Variants in RASAL2 observed in about 807,000 individuals in gnomAD.
RASAL2 encodes RAS protein activator like 2.
A neutral mutation model predicts 128.9 loss-of-function variants in RASAL2; 58 were observed. The observed-to-expected ratio is 0.45, with a 90% confidence interval of 0.36 to 0.56. The LOEUF (loss-of-function observed/expected upper bound fraction) is 0.56. RASAL2 is among the 20% of genes least tolerant of loss of function. The pLI is 0.00. For missense variants in RASAL2, 1,360 were observed against 1,601.6 expected, an observed-to-expected ratio of 0.85 and a Z score of 2.57; for synonymous variants, 561 against 580.8, an observed-to-expected ratio of 0.97 and a Z score of 0.49.
At chr1:178,381,613 C>G (rs904813875) in intron 3 of RASAL2, among the ~76,000 whole-genome samples, 2 of 151,618 alleles carry the variant, frequency 1.3e-5, no homozygotes, top group Admixed American at 1.3e-4. Flanking sequence ...TTAATGTCCT[C>G]TATTAATATT....
At chr1:178,125,566 A>G (rs1313256096) in intron 1 of RASAL2, 1 of 152,162 alleles carries the variant, frequency 6.6e-6, no homozygotes, top group East Asian at 1.9e-4. Flanking sequence ...TAACTTAATT[A>G]TTTTTCAGAA....
chr1:178,241,422 A>C (rs926297519), intron 1 of RASAL2, among the ~76,000 whole-genome samples: 2 of 152,146 alleles, frequency 1.3e-5, no homozygotes, highest in African/African-American at 2.4e-5. Context: ...AGTTCACTTT[A>C]TGTGTGAGGA....
intron 1 of RASAL2, among the ~76,000 whole-genome samples, chr1:178,158,162 T>C (rs1213587856): frequency 6.6e-6 from 1 of 152,220 alleles, no homozygotes; most frequent in Non-Finnish European, 1.5e-5. Context: ...AGCATGTATT[T>C]TATTTTAATT....
intron 5 of RASAL2, among the ~76,000 whole-genome samples, chr1:178,427,544 A>T (rs904672255): frequency 1.3e-5 from 2 of 152,144 alleles, no homozygotes; most frequent in African/African-American, 4.8e-5. Context: ...ATGGAACAAT[A>T]TTCTCAGCTT....
intron 1 of RASAL2, among the ~76,000 whole-genome samples, chr1:178,206,729 T>A (rs1328701745): frequency 6.6e-6 from 1 of 152,218 alleles, no homozygotes; most frequent in Non-Finnish European, 1.5e-5. Flanking sequence ...CAAAGATCTA[T>A]ATTAACATTT....
chr1:178,324,289 T>C (rs1571859509), intron 3 of RASAL2, among the ~76,000 whole-genome samples: 2 of 152,176 alleles, frequency 1.3e-5, no homozygotes, highest in Middle Eastern at 6.8e-3. Context: ...TCATAGTAGC[T>C]CACTTCTGTA....
chr1:178,185,197 C>G (rs1364273341), intron 1 of RASAL2, among the ~76,000 whole-genome samples: 1 of 151,394 alleles, frequency 6.6e-6, no homozygotes, highest in East Asian at 1.9e-4. Context: ...ACCTTGTATC[C>G]TGTGACCTTG....
chr1:178,265,054 C>T (rs1048751585), intron 1 of RASAL2, among the ~76,000 whole-genome samples: 8 of 152,238 alleles, frequency 5.3e-5, no homozygotes, highest in South Asian at 2.1e-4. Flanking sequence ...TGCTAGGAAC[C>T]GGGGACAAAG....
At chr1:178,206,213 G>A (rs576189314) in intron 1 of RASAL2, among the ~76,000 whole-genome samples, 1 of 152,304 alleles carries the variant, frequency 6.6e-6, no homozygotes, top group East Asian at 1.9e-4. Flanking sequence ...ACAGGAAAGA[G>A]GGGTAGCATT....
intron 1 of RASAL2, among the ~76,000 whole-genome samples, chr1:178,153,166 A>G (rs1660970706): frequency 6.6e-6 from 1 of 152,094 alleles, no homozygotes; most frequent in African/African-American, 2.4e-5. Flanking sequence ...ATAGTTTCCC[A>G]TAGTGTAGAT....
intron 1 of RASAL2, among the ~76,000 whole-genome samples, chr1:178,273,492 A>G (rs1477898342): frequency 6.6e-6 from 1 of 152,244 alleles, no homozygotes; most frequent in East Asian, 1.9e-4. Flanking sequence ...TATACTATGT[A>G]TAAACATACC....
At position 178,094,501 on chromosome 1, in the gene RASAL2, C is replaced by T; in HGVS notation, c.9C>T (p.Leu3=). ME[L]SPSSGGAAEA... The stretch of plus-strand genomic sequence containing the variant: ...TCCCGCCTCGGGGCACCATGGAGCT[C>T]TCTCCGTCGTCCGGAGGAGCCGCGG... The change falls in exon 1 of 18, where the codon CTC becomes CTT. Residue 3 remains leucine (L), a synonymous_variant. Coordinates refer to ENST00000367649, the MANE Select transcript of RASAL2 (RefSeq NM_170692.4). 2 of 1,555,754 alleles carry T rather than the reference C, an allele frequency of 1.3e-6. No homozygotes were observed. The highest frequency in any genetic ancestry group is 2.4e-5 in the South Asian group (2 of 84,724).
At chr1:178,284,757 T>C (rs1392578178) in intron 2 of RASAL2, among the ~76,000 whole-genome samples, 1 of 152,140 alleles carries the variant, frequency 6.6e-6, no homozygotes, top group Non-Finnish European at 1.5e-5. Flanking sequence ...GTGAATATAA[T>C]ATTGACAAAG....
intron 1 of RASAL2, among the ~76,000 whole-genome samples, chr1:178,266,494 G>A (rs1255828165): frequency 6.6e-6 from 1 of 151,962 alleles, no homozygotes; most frequent in Admixed American, 6.6e-5. Flanking sequence ...ATTTTGATAC[G>A]GCTCCAATGA....
chr1:178,154,833 T>TA (rs1661029339), intron 1 of RASAL2, among the ~76,000 whole-genome samples: 2 of 145,206 alleles, frequency 1.4e-5, no homozygotes, highest in Non-Finnish European at 3.1e-5. Flanking sequence ...TAATAATAAT[T>TA]ATTTTTTGAG....
At chr1:178,188,482 A>G (rs1662385375) in intron 1 of RASAL2, among the ~76,000 whole-genome samples, 2 of 152,104 alleles carry the variant, frequency 1.3e-5, no homozygotes, top group Non-Finnish European at 2.9e-5. Flanking sequence ...CTGGTTTTCT[A>G]GGTGTTTATA....
At chr1:178,207,231 AT>A (rs1452961811) in intron 1 of RASAL2, among the ~76,000 whole-genome samples, 1 of 152,090 alleles carries the variant, frequency 6.6e-6, no homozygotes, top group Non-Finnish European at 1.5e-5. Flanking sequence ...AAAGAAAAAC[AT>A]TCTGACCTTA....
intron 1 of RASAL2, among the ~76,000 whole-genome samples, chr1:178,274,830 A>G (rs1666420261): frequency 6.6e-6 from 1 of 152,106 alleles, no homozygotes; most frequent in Admixed American, 6.5e-5. Flanking sequence ...AGCTCAAAGG[A>G]TCCTCCTGCT....
At chr1:178,411,683 T>A (rs1674396190) in intron 4 of RASAL2, 2 of 820,344 alleles carry the variant, frequency 2.4e-6, no homozygotes, top group African/African-American at 3.3e-5. Context: ...GACACTTTTG[T>A]CCATGTCACT....
Sources: gnomAD v4.1 joint callset for allele counts (sites outside exome capture counted in the v4.1 genomes callset) on GRCh38, gnomAD v4.1.1 for gene constraint, MANE v1.5 for transcripts, NCBI Gene and HGNC (gene_info 2026-07-23, HGNC 2026-07-21) for gene names.